PARP1: variants seen among roughly 807,000 people sequenced by gnomAD.
PARP1 encodes poly [ADP-ribose] polymerase 1.
A neutral mutation model predicts 118.7 loss-of-function variants in PARP1; 44 were observed. The ratio of observed to expected loss-of-function variants is 0.37; its 90% CI spans 0.29 to 0.48. PARP1 has a LOEUF of 0.48. Among genes scored for constraint, PARP1 ranks in the 20% least tolerant of loss-of-function variants. The pLI is 0.99. For synonymous variants in PARP1, 492 were observed against 483.2 expected (o/e 1.02, Z -0.24); for missense variants, 1,100 against 1,272.4 (o/e 0.86, Z 2.06).
At chr1:226,379,034 T>C in intron 12 of PARP1, 108 bp downstream of exon 12, 2 of 1,342,262 alleles carry the variant, frequency 1.5e-6, no homozygotes, top group Non-Finnish European at 2.1e-6. Context: ...TAGATTTCAT[T>C]CCCCAGGCAC....
chr1:226,367,251 G>A (rs1346323844), intron 17 of PARP1: 1 of 570,492 alleles, frequency 1.8e-6, no homozygotes, highest in African/African-American at 1.9e-5. Flanking sequence ...GTGCTGGCTT[G>A]GAAGGCTGCC....
At chr1:226,372,263 G>A (rs1385495574) in intron 14 of PARP1, among the ~76,000 whole-genome samples, 1 of 152,242 alleles carries the variant, frequency 6.6e-6, no homozygotes, top group Non-Finnish European at 1.5e-5. Context: ...TCAGGAGTGG[G>A]CACCCCGCTT....
At chr1:226,374,835 G>A (rs1428569815) in intron 13 of PARP1, among the ~76,000 whole-genome samples, 3 of 152,176 alleles carry the variant, frequency 2.0e-5, no homozygotes, top group Admixed American at 2.0e-4. Flanking sequence ...AATTCCCAAA[G>A]TACCAAGCAA....
chr1:226,372,905 A>G (rs1390492917), intron 14 of PARP1, among the ~76,000 whole-genome samples: 2 of 150,210 alleles, frequency 1.3e-5, no homozygotes, highest in Non-Finnish European at 2.9e-5. Flanking sequence ...ATTCTCAGTG[A>G]GCCCACCCAT....
At position 226,395,419 on chromosome 1, in the gene PARP1, G is replaced by A. The variant is rs145532824; in HGVS notation, c.287-3105C>T. Reference sequence around the variant, plus strand: ...ATAGCCAAAATGCAGAAACCTGGCCGTGTGCAGTGGCTCACGCCTGTAATC... The same window carrying A: ...ATAGCCAAAATGCAGAAACCTGGCCATGTGCAGTGGCTCACGCCTGTAATC... On this transcript the variant is annotated intron_variant, in intron 2 of 22. Transcript: ENST00000366794. Among the ~76,000 whole-genome samples, 507 of 152,210 alleles carry A rather than the reference G, an allele frequency of 3.3e-3. 2 individuals carry two copies. Among genetic ancestry groups the A allele is most frequent in the African/African-American group, 0.012 (483 of 41,524 alleles).
At chr1:226,396,381 G>A in intron 2 of PARP1, among the ~76,000 whole-genome samples, 1 of 146,172 alleles carries the variant, frequency 6.8e-6, no homozygotes. Context: ...AAAGGGTTAA[G>A]GTAAATTTTA....
In PARP1 at chr1:226,388,352, C is replaced by T. The variant is rs556620734; in HGVS notation, c.717+304G>A. Among the ~76,000 whole-genome samples, 190 of 152,304 alleles carry T rather than the reference C, an allele frequency of 1.2e-3. 1 individual carries two copies. Among genetic ancestry groups the T allele is most frequent in the African/African-American group, 4.4e-3 (183 of 41,572 alleles). On this transcript the variant is annotated intron_variant, in intron 5 of 22. Transcript: ENST00000366794. ...GGGTGTACAGTTGTGCATAATTTGG[C>T]CAAAGCATGAATCTCTGTCATCCCA...
At chr1:226,374,200 C>T (rs2102732124) in intron 14 of PARP1, 26 bp downstream of exon 14, 3 of 1,612,610 alleles carry the variant, frequency 1.9e-6, no homozygotes, top group African/African-American at 2.7e-5. Flanking sequence ...CAAATGCTCA[C>T]AGATAAAATG....
At chr1:226,406,700 G>A (rs1665154896) in intron 1 of PARP1, among the ~76,000 whole-genome samples, 2 of 152,126 alleles carry the variant, frequency 1.3e-5, no homozygotes, top group African/African-American at 2.4e-5. Context: ...CTTAAAAAAT[G>A]CCTACCAAAT....
chr1:226,388,821 G>A (rs1018955031), intron 4 of PARP1, 66 bp from the exon 5 acceptor site: 23 of 1,166,698 alleles, frequency 2.0e-5, no homozygotes, highest in South Asian at 8.5e-5. Context: ...AATGACTTGC[G>A]GTGATGCAGT....
intron 14 of PARP1, 66 bp from the exon 15 acceptor site, chr1:226,370,583 A>T: frequency 2.2e-6 from 3 of 1,340,714 alleles, no homozygotes; most frequent in Non-Finnish European, 3.2e-6. Flanking sequence ...GGAGAGCTGG[A>T]CCGGGCAGCC....
In PARP1 at chr1:226,368,209, T is replaced by C; in HGVS notation, c.2267A>G (p.Asp756Gly). ...MKKPPLLNNA[D>G]SVQAKVEMLD... is the part of the protein sequence containing the mutation. Reference sequence around the variant, plus strand: ...GAACCCTTGCGCTACCTGCACACTGTCTGCATTGTTCAGGAGCGGAGGCTT... The same window carrying C: ...GAACCCTTGCGCTACCTGCACACTGCCTGCATTGTTCAGGAGCGGAGGCTT... Residue 756 changes from aspartate to glycine, a missense_variant, in exon 16 of 23, where the codon GAC becomes GGC. This residue lies in a region of PARP1 where 948 missense variants were observed against 1,031.8 expected (regional missense o/e 0.92). Coordinates refer to ENST00000366794, the MANE Select transcript of PARP1 (RefSeq NM_001618.4). The C allele has an allele frequency of 6.2e-7, 1 of 1,614,192 alleles. No homozygotes were observed. Among genetic ancestry groups the C allele is most frequent in the Non-Finnish European group, 8.5e-7 (1 of 1,180,034 alleles).
intron 4 of PARP1, among the ~76,000 whole-genome samples, chr1:226,390,105 G>T (rs1576399719): frequency 6.6e-6 from 1 of 152,174 alleles, no homozygotes; most frequent in African/African-American, 2.4e-5. Context: ...CTAAAGGGTT[G>T]TGGTGGGAAA....
intron 15 of PARP1, among the ~76,000 whole-genome samples, 155 bp downstream of exon 15, chr1:226,370,279 T>C (rs1189809444): frequency 6.6e-6 from 1 of 152,196 alleles, no homozygotes; most frequent in African/African-American, 2.4e-5. Flanking sequence ...ACTTGTCATT[T>C]ATTGAACTGA....
At chr1:226,407,672 G>T in intron 1 of PARP1, 138 bp downstream of exon 1, 1 of 796,112 alleles carries the variant, frequency 1.3e-6, no homozygotes, top group Non-Finnish European at 1.8e-6. Flanking sequence ...AGGGGCGGCC[G>T]CGGCCCCATA....
intron 2 of PARP1, among the ~76,000 whole-genome samples, chr1:226,400,337 A>G (rs1007316157): frequency 6.6e-6 from 1 of 152,140 alleles, no homozygotes; most frequent in African/African-American, 2.4e-5. Context: ...CAAAAAAACA[A>G]AGTAGGGAAA....
At chr1:226,362,331 G>A in intron 21 of PARP1, 2 of 464,200 alleles carry the variant, frequency 4.3e-6, no homozygotes, top group South Asian at 4.2e-5. Context: ...GATTACAGGT[G>A]CGCGCCACCA....
At chr1:226,405,537 C>T (rs912641375) in intron 1 of PARP1, among the ~76,000 whole-genome samples, 9 of 152,124 alleles carry the variant, frequency 5.9e-5, no homozygotes, top group African/African-American at 9.7e-5. Context: ...AACTGCTGAG[C>T]TTAAGTAATC....
At chr1:226,380,260 C>T (rs1664578920) in intron 9 of PARP1, 96 bp from the exon 10 acceptor site, 6 of 1,231,840 alleles carry the variant, frequency 4.9e-6, no homozygotes, top group Middle Eastern at 5.1e-4. Context: ...TACTTCCAAA[C>T]CCTCAGCATT....
Sources: allele counts gnomAD v4.1 joint callset (sites outside exome capture counted in the v4.1 genomes callset), GRCh38; gene constraint gnomAD v4.1.1; regional missense constraint gnomAD v4.1.1; transcripts MANE v1.5; gene names NCBI Gene and HGNC (gene_info 2026-07-23, HGNC 2026-07-21).